The following GRIN2A variants were observed in gnomAD, a reference collection of about 807,000 sequenced individuals.
The protein encoded by GRIN2A is glutamate ionotropic receptor NMDA type subunit 2A, also known as glutamate receptor ionotropic, NMDA 2A.
GRIN2A carries 22 observed loss-of-function variants against 113.4 expected under a neutral mutation model. That is an observed-to-expected ratio of 0.19 (90% CI 0.14 to 0.28). GRIN2A has a LOEUF of 0.28. GRIN2A is among the 10% of genes least tolerant of loss of function. The probability of loss-of-function intolerance (pLI) is 1.00; values close to 1 mark genes in which losing one functional copy is unlikely to be tolerated. For missense variants in GRIN2A, 1,502 were observed against 1,887.0 expected, an observed-to-expected ratio of 0.80 and a Z score of 3.78; for synonymous variants, 827 against 738.4, an observed-to-expected ratio of 1.12 and a Z score of -1.94.
intron 4 of GRIN2A, among the ~76,000 whole-genome samples, chr16:9,888,921 A>T (rs1365067279): frequency 1.3e-5 from 2 of 152,080 alleles, no homozygotes; most frequent in Non-Finnish European, 2.9e-5. Context: ...TAAATGTTAA[A>T]CTAATCTTGC....
chr16:10,172,138 G>C (rs1013426589), intron 2 of GRIN2A, among the ~76,000 whole-genome samples: 5 of 152,196 alleles, frequency 3.3e-5, no homozygotes, highest in African/African-American at 1.2e-4. Context: ...TGATAATTTT[G>C]TCCCAAATCC....
At chr16:9,851,159 G>A (rs867795481) in intron 4 of GRIN2A, among the ~76,000 whole-genome samples, 4 of 152,170 alleles carry the variant, frequency 2.6e-5, no homozygotes, top group African/African-American at 7.2e-5. Context: ...GTGACAGGGT[G>A]GGAGGAGAGA....
intron 10 of GRIN2A, among the ~76,000 whole-genome samples, chr16:9,807,357 G>GGA (rs1567312627): frequency 3.0e-5 from 1 of 33,790 alleles, no homozygotes; most frequent in Non-Finnish European, 5.4e-5. Context: ...AGGGGGAGAG[G>GGA]GAGGGAGAGG....
chr16:9,781,749 A>C (rs2141183947), intron 11 of GRIN2A, among the ~76,000 whole-genome samples: 1 of 152,288 alleles, frequency 6.6e-6, no homozygotes, highest in South Asian at 2.1e-4. Context: ...TCTACATCTA[A>C]GAGTTTGTTG....
intron 2 of GRIN2A, among the ~76,000 whole-genome samples, chr16:10,155,956 C>T (rs755551098): frequency 2.6e-5 from 4 of 152,120 alleles, no homozygotes; most frequent in Admixed American, 6.5e-5. Flanking sequence ...ACAGCCAAAC[C>T]ATATCAAGTT....
rs141832848 is a variant in GRIN2A, at chr16:10,144,840, G to A, written c.414+35158C>T. ...GGAGGCTGAGGTGGGAGAATTGCTT[G>A]TACCCAGGAGGCGGAGACTGCAGTG... On this transcript the variant is annotated intron_variant, in intron 2 of 12. Coordinates refer to ENST00000330684, the MANE Select transcript of GRIN2A (RefSeq NM_001134407.3). 8.0e-4 allele frequency among the ~76,000 whole-genome samples: 112 copies of A among 140,618 alleles called. 1 individual carries two copies. The East Asian group carries it at 0.023, about 29-fold the overall frequency. The allele number at this position is 140,618 out of a possible 152,430, so 92.3% of individuals were successfully genotyped here.
intron 2 of GRIN2A, among the ~76,000 whole-genome samples, chr16:10,104,799 G>A (rs2048463660): frequency 6.6e-6 from 1 of 152,156 alleles, no homozygotes; most frequent in African/African-American, 2.4e-5. Context: ...GTGTGCAGGG[G>A]CCGCAGTCGA....
At chr16:10,015,295 G>GAAAAAAAAAAAAATA (rs2046588998) in intron 2 of GRIN2A, among the ~76,000 whole-genome samples, 2 of 101,774 alleles carry the variant, frequency 2.0e-5, no homozygotes, top group African/African-American at 7.7e-5. Flanking sequence ...AAAAAGAAAG[G>GAAAAAAAAAAAAATA]AAAGGAAAAG....
intron 2 of GRIN2A, among the ~76,000 whole-genome samples, chr16:10,178,154 T>C (rs2050188300): frequency 6.6e-6 from 1 of 152,194 alleles, no homozygotes; most frequent in African/African-American, 2.4e-5. Context: ...CCCAAAATCA[T>C]ACTCCAAGGC....
intron 2 of GRIN2A, among the ~76,000 whole-genome samples, chr16:10,104,371 T>C (rs1303869417): frequency 6.6e-6 from 1 of 152,168 alleles, no homozygotes; most frequent in Non-Finnish European, 1.5e-5. Flanking sequence ...AAGTTGAGCC[T>C]GGGCATCTGG....
chr16:10,150,536 C>T (rs1352245516), intron 2 of GRIN2A, among the ~76,000 whole-genome samples: 2 of 152,254 alleles, frequency 1.3e-5, no homozygotes, highest in Admixed American at 6.5e-5. Context: ...CCTCTCAGAA[C>T]CTGTTTCCTC....
At chr16:10,025,135 G>T (rs955828075) in intron 2 of GRIN2A, among the ~76,000 whole-genome samples, 3 of 151,948 alleles carry the variant, frequency 2.0e-5, no homozygotes, top group Non-Finnish European at 4.4e-5. Flanking sequence ...GAAGAAAATT[G>T]AAAGAGGTGG....
intron 10 of GRIN2A, among the ~76,000 whole-genome samples, chr16:9,809,710 G>A (rs773465819): frequency 6.6e-6 from 1 of 152,148 alleles, no homozygotes; most frequent in Non-Finnish European, 1.5e-5. Context: ...TGGAGATGCT[G>A]GGCATGCCAA....
At chr16:9,914,905 C>CTTTTTTTTTTT (rs869182389) in intron 3 of GRIN2A, among the ~76,000 whole-genome samples, 1 of 33,476 alleles carries the variant, frequency 3.0e-5, no homozygotes, top group Non-Finnish European at 5.8e-5. Flanking sequence ...GATTATGCAG[C>CTTTTTTTTTTT]TTTTTTTTTT....
intron 2 of GRIN2A, among the ~76,000 whole-genome samples, chr16:10,059,419 TGA>T (rs1390691572): frequency 2.0e-5 from 3 of 152,132 alleles, no homozygotes; most frequent in Non-Finnish European, 4.4e-5. Flanking sequence ...CTGGGGCTAC[TGA>T]GGCATCTACG....
chr16:10,075,174 C>T (rs1161539528), intron 2 of GRIN2A, among the ~76,000 whole-genome samples: 1 of 152,034 alleles, frequency 6.6e-6, no homozygotes, highest in South Asian at 2.1e-4. Context: ...ATAATGGTAT[C>T]CAGTACCTGG....
At chr16:9,822,778 A>G (rs2042313896) in intron 9 of GRIN2A, among the ~76,000 whole-genome samples, 1 of 152,230 alleles carries the variant, frequency 6.6e-6, no homozygotes, top group Non-Finnish European at 1.5e-5. Context: ...GTCAGTACTT[A>G]GAAATGCTGA....
chr16:9,760,124 TG>T lies in GRIN2A; in HGVS notation c.*3024del, dbSNP rs1411884054. ...ACTCAGGCATTTGTGTTCAGAAATT[TG>T]GGCTCCTTGACATCAACAAATCTAA... On this transcript the variant is annotated 3_prime_UTR_variant, in exon 13 of 13. Transcript: ENST00000330684. 45 of 225,168 alleles carry T rather than the reference TG, an allele frequency of 2.0e-4. No homozygotes were observed. The highest frequency in any genetic ancestry group is 8.7e-4 in the African/African-American group (39 of 44,986). The allele number at this position is 225,168 out of a possible 1,614,324, so 13.9% of individuals were successfully genotyped here. A position where few individuals can be genotyped will look rare whatever the true frequency, so the allele number is the denominator to read the frequency against.
At chr16:10,126,489 T>G (rs141637482) in intron 2 of GRIN2A, among the ~76,000 whole-genome samples, 64 of 152,320 alleles carry the variant, frequency 4.2e-4, no homozygotes, top group Non-Finnish European at 8.1e-4. Context: ...ATTTCAAATA[T>G]TTTGCAGTAT....
Sources: allele counts gnomAD v4.1 joint callset (sites outside exome capture counted in the v4.1 genomes callset), GRCh38; gene constraint gnomAD v4.1.1; transcripts MANE v1.5; gene names NCBI Gene and HGNC (gene_info 2026-07-23, HGNC 2026-07-21).